GABRG1: variants seen among roughly 807,000 people sequenced by gnomAD.
GABRG1 encodes the protein gamma-aminobutyric acid type A receptor subunit gamma1.
GABRG1 carries 49 observed loss-of-function variants against 49.8 expected under a neutral mutation model. The ratio of observed to expected loss-of-function variants is 0.98; its 90% CI spans 0.78 to 1.25. The LOEUF is 1.25. Ranked by LOEUF, GABRG1 falls within the 50% of genes most tolerant of loss-of-function variation. The pLI is 0.00. For synonymous variants in GABRG1, 232 were observed against 185.1 expected, an observed-to-expected ratio of 1.25 and a Z score of -2.06; for missense variants, 552 against 552.3, an observed-to-expected ratio of 1.00 and a Z score of 0.01.
At chr4:46,105,791 T>TGCTA (rs1553883517) in intron 1 of GABRG1, among the ~76,000 whole-genome samples, 2 of 144,556 alleles carry the variant, frequency 1.4e-5, no homozygotes, top group Non-Finnish European at 3.0e-5. Flanking sequence ...GGTAGATAGA[T>TGCTA]GATAGATAGA....
chr4:46,056,608 C>T (rs928834988), intron 7 of GABRG1, among the ~76,000 whole-genome samples: 7 of 152,066 alleles, frequency 4.6e-5, no homozygotes, highest in Non-Finnish European at 8.8e-5. Flanking sequence ...TTGTACATTA[C>T]CTGTTTTCTC....
rs1299197810 is a variant in GABRG1, at chr4:46,038,290, T to A, written c.*2698A>T. On this transcript the variant is annotated 3_prime_UTR_variant, in exon 9 of 9. Transcript: ENST00000295452. The stretch of plus-strand genomic sequence containing the variant: ...CCATGGAATTCGAAGATAAATAAAA[T>A]ATTACCCTGTCATTGTAAATCCAAA... 1 of 151,664 alleles carries A rather than the reference T, an allele frequency of 6.6e-6. No individual in the cohort carries two copies. The highest frequency in any genetic ancestry group is 2.4e-5 in the African/African-American group (1 of 41,388). The allele number at this position is 151,664 out of a possible 1,614,324, so 9.4% of individuals were successfully genotyped here. A position where few individuals can be genotyped will look rare whatever the true frequency, so the allele number is the denominator to read the frequency against.
intron 3 of GABRG1, among the ~76,000 whole-genome samples, chr4:46,079,314 G>A (rs113280363): frequency 0.017 from 2,639 of 151,768 alleles, 89 homozygotes; most frequent in African/African-American, 0.059. Context: ...TGTCGTCTTC[G>A]TAACTGGTGC....
chr4:46,045,228 G>A lies in GABRG1; in HGVS notation c.1132-3974C>T, dbSNP rs565708872. Among the ~76,000 whole-genome samples, 9 of 151,838 alleles carry A rather than the reference G, an allele frequency of 5.9e-5. No homozygotes were observed. In the East Asian group the frequency reaches 1.4e-3, roughly 23 times the overall value. On this transcript the variant is annotated intron_variant, in intron 8 of 8. Coordinates refer to ENST00000295452, the MANE Select transcript of GABRG1 (RefSeq NM_173536.4). ...TTGAGGAAGTAATACATCCACTTAA[G>A]GAAAAATGAACAAAGAACAGTTAGA...
At chr4:46,122,033 T>C (rs908503319) in intron 1 of GABRG1, among the ~76,000 whole-genome samples, 1 of 152,096 alleles carries the variant, frequency 6.6e-6, no homozygotes, top group Non-Finnish European at 1.5e-5. Flanking sequence ...TAAGAAATCA[T>C]ATGTGGTCTA....
chr4:46,064,195 G>A (rs1217293332), intron 5 of GABRG1, among the ~76,000 whole-genome samples: 1 of 151,830 alleles, frequency 6.6e-6, no homozygotes, highest in Non-Finnish European at 1.5e-5. Context: ...TAAGCAAATA[G>A]CATTGGAATA....
At chr4:46,100,917 C>T (rs1234488852) in intron 1 of GABRG1, among the ~76,000 whole-genome samples, 1 of 151,316 alleles carries the variant, frequency 6.6e-6, no homozygotes, top group Admixed American at 6.6e-5. Flanking sequence ...AATTTATCTA[C>T]ACCTTTTCTC....
In GABRG1 at chr4:46,076,362, C is replaced by CATATAT. The variant is rs1203391424; in HGVS notation, c.321+7618_321+7623dup. On this transcript the variant is annotated intron_variant, in intron 3 of 8. Transcript: ENST00000295452. ...ACCTAAATTTATCTTAGGTCATGTT[C>CATATAT]ATATATATATATATATATATATATA... Among the ~76,000 whole-genome samples the CATATAT allele has an allele frequency of 1.8e-3, 142 of 78,582 alleles. 2 individuals carry two copies. The highest frequency in any genetic ancestry group is 0.022 in the Middle Eastern group (2 of 92). The allele number at this position is 78,582 out of a possible 152,430, so 51.6% of individuals were successfully genotyped here.
intron 7 of GABRG1, among the ~76,000 whole-genome samples, chr4:46,056,509 C>T (rs1302685871): frequency 6.6e-6 from 1 of 152,088 alleles, no homozygotes; most frequent in East Asian, 1.9e-4. Context: ...TATCATACCA[C>T]TCACACCCTG....
chr4:46,072,357 C>T (rs1719162854), intron 3 of GABRG1, among the ~76,000 whole-genome samples: 1 of 152,008 alleles, frequency 6.6e-6, no homozygotes, highest in Non-Finnish European at 1.5e-5. Context: ...TATTTGGGCA[C>T]CATAGCCTGG....
At chr4:46,068,551 T>C (rs1718999832) in intron 3 of GABRG1, among the ~76,000 whole-genome samples, 1 of 152,092 alleles carries the variant, frequency 6.6e-6, no homozygotes, top group South Asian at 2.1e-4. Context: ...GTCCCCTCAA[T>C]CTAATATCAA....
At chr4:46,088,950 T>G (rs1320665192) in intron 2 of GABRG1, among the ~76,000 whole-genome samples, 1 of 151,672 alleles carries the variant, frequency 6.6e-6, no homozygotes, top group Non-Finnish European at 1.5e-5. Flanking sequence ...CTCCCATACC[T>G]GATCAGGGAA....
intron 1 of GABRG1, among the ~76,000 whole-genome samples, chr4:46,110,506 A>G (rs1248913576): frequency 6.6e-6 from 1 of 150,940 alleles, no homozygotes; most frequent in Non-Finnish European, 1.5e-5. Context: ...CTAATTCTAA[A>G]AAGCCAGCAC....
chr4:46,042,101 G>T (rs917506366), intron 8 of GABRG1, among the ~76,000 whole-genome samples: 1 of 151,840 alleles, frequency 6.6e-6, no homozygotes. Context: ...AACATTGTAG[G>T]TTTGCTTGAT....
chr4:46,118,152 ACAG>A (rs1416055805), intron 1 of GABRG1, among the ~76,000 whole-genome samples: 7 of 146,884 alleles, frequency 4.8e-5, no homozygotes, highest in South Asian at 2.1e-4. Context: ...ATATACAGCT[ACAG>A]TATAATATGC....
rs1224345534 is a variant in GABRG1, at chr4:46,038,770, TGCTTTGA to T, written c.*2211_*2217del. The T allele has an allele frequency of 6.6e-6, 1 of 151,718 alleles. No individual in the cohort carries two copies. Among genetic ancestry groups the T allele is most frequent in the African/African-American group, 2.4e-5 (1 of 41,426 alleles). The allele number at this position is 151,718 out of a possible 1,614,324, so 9.4% of individuals were successfully genotyped here. ...AAATAAAACTGATCAAAATACCACTTGCTTTGAAAACAAAGTGCTTGCTTGATGGTAT... is the reference window on the plus strand; with the variant it reads ...AAATAAAACTGATCAAAATACCACTTAAACAAAGTGCTTGCTTGATGGTAT... On this transcript the variant is annotated 3_prime_UTR_variant, in exon 9 of 9. Transcript: ENST00000295452.
chr4:46,058,366 TC>T lies in GABRG1; in HGVS notation c.766del (p.Asp256IlefsTer5). ...AAAAAAAATTGTCATGATAACATAA[TC>T]CCCTGTAAGAAAAAAAAGTTTTATT... ...STEITHTISG[D>X]YVIMTIFFDL... On this transcript the variant is annotated frameshift_variant and splice_region_variant, in exon 7 of 9. Coordinates refer to ENST00000295452, the MANE Select transcript of GABRG1 (RefSeq NM_173536.4). LOFTEE classifies it high-confidence loss of function. The T allele has an allele frequency of 1.9e-6, 3 of 1,604,564 alleles. No individual in the cohort carries two copies. The highest frequency in any genetic ancestry group is 2.5e-6 in the Non-Finnish European group (3 of 1,176,780).
intron 3 of GABRG1, among the ~76,000 whole-genome samples, chr4:46,069,655 C>G (rs1458621298): frequency 6.6e-6 from 1 of 152,056 alleles, no homozygotes; most frequent in Non-Finnish European, 1.5e-5. Context: ...CTTTTTATAT[C>G]TATGAATGTA....
intron 7 of GABRG1, among the ~76,000 whole-genome samples, chr4:46,052,435 A>G (rs776810239): frequency 6.6e-6 from 1 of 151,868 alleles, no homozygotes; most frequent in African/African-American, 2.4e-5. Flanking sequence ...TGGCACAGTT[A>G]TATCAAGGGA....
Sources: allele counts gnomAD v4.1 joint callset (sites outside exome capture counted in the v4.1 genomes callset), GRCh38; gene constraint gnomAD v4.1.1; transcripts MANE v1.5; gene names NCBI Gene and HGNC (gene_info 2026-07-23, HGNC 2026-07-21).